The following ABCB1 variants were observed in gnomAD, a reference collection of about 807,000 sequenced individuals.
ABCB1 encodes the protein ATP-dependent translocase ABCB1.
ABCB1 carries 69 observed loss-of-function variants against 142.0 expected under a neutral mutation model. That is an observed-to-expected ratio of 0.49 (90% confidence interval 0.40 to 0.59). The LOEUF is 0.59. Ranked by LOEUF, ABCB1 falls within the 20% of genes least tolerant of loss-of-function variation. The pLI, the probability that ABCB1 is intolerant of heterozygous loss-of-function variation, is 0.00. For synonymous variants in ABCB1, 532 were observed against 539.2 expected, an observed-to-expected ratio of 0.99 and a Z score of 0.18; for missense variants, 1,326 against 1,554.7, an observed-to-expected ratio of 0.85 and a Z score of 2.47.
chr7:87,680,118 C>G (rs1259890207), intron 1 of ABCB1, among the ~76,000 whole-genome samples: 1 of 150,248 alleles, frequency 6.7e-6, no homozygotes, highest in Non-Finnish European at 1.5e-5. Flanking sequence ...TGAGTGAGAA[C>G]ATGCAGTGTT....
chr7:87,608,616 G>A (rs987944948), intron 1 of ABCB1, among the ~76,000 whole-genome samples: 5 of 152,136 alleles, frequency 3.3e-5, no homozygotes, highest in East Asian at 3.9e-4. Context: ...AATATTACCC[G>A]AAATGGCTTT....
At chr7:87,555,688 T>A (rs565029162) in intron 8 of ABCB1, among the ~76,000 whole-genome samples, 3 of 152,136 alleles carry the variant, frequency 2.0e-5, no homozygotes, top group African/African-American at 7.2e-5. Context: ...AACAGAAAAA[T>A]TATTTTTGAG....
chr7:87,689,261 TTGA>T (rs1455084328), intron 1 of ABCB1, among the ~76,000 whole-genome samples: 1 of 152,066 alleles, frequency 6.6e-6, no homozygotes, highest in African/African-American at 2.4e-5. Context: ...CTAACAGAAA[TTGA>T]TGATCTCTGA....
chr7:87,623,802 A>T (rs1189118946), intron 1 of ABCB1, among the ~76,000 whole-genome samples: 1 of 151,646 alleles, frequency 6.6e-6, no homozygotes, highest in Non-Finnish European at 1.5e-5. Context: ...GATTCATTGC[A>T]TCAGCTTCAA....
intron 18 of ABCB1, 90 bp from the exon 19 acceptor site, chr7:87,539,435 G>T: frequency 1.6e-6 from 2 of 1,265,180 alleles, no homozygotes; most frequent in South Asian, 2.5e-5. Context: ...CAGGAGATCA[G>T]ACAAAGTCAG....
chr7:87,562,526 A>G (rs780669662), intron 7 of ABCB1, among the ~76,000 whole-genome samples: 2 of 152,204 alleles, frequency 1.3e-5, no homozygotes, highest in South Asian at 2.1e-4. Flanking sequence ...AATTGCCACA[A>G]TGGAGACAAC....
In ABCB1 at chr7:87,550,733, T is replaced by C. The variant is rs199766539; in HGVS notation, c.1105A>G (p.Ile369Val). 2.8e-4 allele frequency: 448 copies of C among 1,611,070 alleles called. No homozygotes were observed. Among genetic ancestry groups the C allele is most frequent in the Non-Finnish European group, 3.7e-4 (432 of 1,177,334 alleles). ...GGCCAACTCAGACTTACATTATCAA[T>C]TATCTTGAAGATTTCATAAGCTGCT... is the stretch of plus-strand genomic sequence containing the variant. Reference protein sequence around the residue: ...RGAAYEIFKIIDNKPSIDSYS... With the variant: ...RGAAYEIFKIVDNKPSIDSYS... The change falls in exon 10 of 28, where the codon ATT (isoleucine) becomes GTT (valine). Residue 369 changes from isoleucine (I) to valine (V), a missense_variant. Ile to Val is a conservative substitution (Grantham distance 29). Transcript: ENST00000622132.
chr7:87,565,424 G>C lies in ABCB1; in HGVS notation c.702+646C>G, dbSNP rs867294287. On this transcript the variant is annotated intron_variant, in intron 7 of 27. Transcript: ENST00000622132. ...TAAGTTTTAAAAGATCACTGGAAAC[G>C]TGTGCTGGGGTAGAGAGGGCCACTT... The C allele has an allele frequency of 2.5e-5, 11 of 444,146 alleles. No individual in the cohort carries two copies. In the Admixed American group the frequency reaches 2.8e-4, roughly 11 times the overall value. The allele number at this position is 444,146 out of a possible 1,614,324, so 27.5% of individuals were successfully genotyped here.
chr7:87,504,196 A>G lies in ABCB1; in HGVS notation c.*47T>C. 6.2e-7 allele frequency: 1 copy of G among 1,609,230 alleles called. No individual in the cohort carries two copies. The highest frequency in any genetic ancestry group is 8.5e-7 in the Non-Finnish European group (1 of 1,176,240). On this transcript the variant is annotated 3_prime_UTR_variant, in exon 28 of 28. Coordinates refer to ENST00000622132, the MANE Select transcript of ABCB1 (RefSeq NM_001348946.2). ...GCTTTTAACTTTGAATAAATGTCATATCTAAACAAATATTAAAAAGTATTT... is the reference window on the plus strand; with the variant it reads ...GCTTTTAACTTTGAATAAATGTCATGTCTAAACAAATATTAAAAAGTATTT...
intron 8 of ABCB1, among the ~76,000 whole-genome samples, chr7:87,554,357 G>A (rs1817225134): frequency 1.3e-5 from 2 of 149,860 alleles, no homozygotes; most frequent in African/African-American, 2.5e-5. Context: ...AAAAGGGACA[G>A]TCATTTAAAT....
At chr7:87,595,712 A>T (rs1241954669) in intron 3 of ABCB1, 54 bp downstream of exon 3, 4 of 1,329,664 alleles carry the variant, frequency 3.0e-6, no homozygotes, top group Non-Finnish European at 4.3e-6. Context: ...TTTCCATGTA[A>T]GGAGATGTCA....
intron 1 of ABCB1, among the ~76,000 whole-genome samples, chr7:87,709,859 C>T (rs1309978089): frequency 2.0e-5 from 3 of 152,094 alleles, no homozygotes; most frequent in African/African-American, 7.2e-5. Flanking sequence ...CAAATATGAT[C>T]TCTTATATTC....
intron 1 of ABCB1, among the ~76,000 whole-genome samples, chr7:87,664,191 T>C (rs1300448331): frequency 6.6e-6 from 1 of 152,096 alleles, no homozygotes; most frequent in African/African-American, 2.4e-5. Flanking sequence ...CCAGGCATGG[T>C]GGCACACTTC....
intron 2 of ABCB1, 72 bp from the exon 3 acceptor site, chr7:87,595,886 G>T: frequency 8.4e-7 from 1 of 1,187,140 alleles, no homozygotes; most frequent in Non-Finnish European, 1.2e-6. Flanking sequence ...AATTAACATA[G>T]AATGTATATT....
At chr7:87,516,167 G>A (rs1922244) in intron 24 of ABCB1, among the ~76,000 whole-genome samples, 16,298 of 152,018 alleles carry the variant, frequency 0.11, 1,459 homozygotes, top group East Asian at 0.38. Flanking sequence ...GATCGCTTGA[G>A]CCCAGAAGAT....
intron 25 of ABCB1, among the ~76,000 whole-genome samples, chr7:87,510,627 T>C (rs1348578873): frequency 2.6e-5 from 4 of 152,238 alleles, no homozygotes; most frequent in African/African-American, 4.8e-5. Context: ...CTGAGCCATA[T>C]ACTCTCTGTA....
intron 1 of ABCB1, among the ~76,000 whole-genome samples, chr7:87,694,382 A>T (rs998642256): frequency 2.0e-5 from 3 of 152,250 alleles, no homozygotes; most frequent in African/African-American, 7.2e-5. Flanking sequence ...GCCTTTATTT[A>T]CTTATTCAAA....
chr7:87,645,915 ATATGAATG>A (rs1260271460), intron 1 of ABCB1, among the ~76,000 whole-genome samples: 2 of 152,182 alleles, frequency 1.3e-5, no homozygotes, highest in Admixed American at 6.5e-5. Context: ...GGAGAGCAGG[ATATGAATG>A]ATGAAGCAAA....
intron 1 of ABCB1, among the ~76,000 whole-genome samples, chr7:87,609,700 C>T (rs988781122): frequency 2.6e-5 from 4 of 151,908 alleles, no homozygotes; most frequent in Non-Finnish European, 5.9e-5. Context: ...CCAGCTAGAC[C>T]AGCTTGTTTT....
Sources: gnomAD v4.1 joint callset for allele counts (sites outside exome capture counted in the v4.1 genomes callset) on GRCh38, gnomAD v4.1.1 for gene constraint, MANE v1.5 for transcripts, NCBI Gene and HGNC (gene_info 2026-07-23, HGNC 2026-07-21) for gene names.